LRRN1: variants seen among roughly 807,000 people sequenced by gnomAD.
The protein encoded by LRRN1 is leucine-rich repeat neuronal protein 1.
LRRN1 carries 14 observed loss-of-function variants against 45.8 expected under a neutral mutation model. That is an observed-to-expected ratio of 0.31 (90% CI 0.20 to 0.48). LRRN1 has a LOEUF of 0.48. LRRN1 is among the 20% of genes least tolerant of loss of function. The pLI is 0.99. For synonymous variants in LRRN1, 359 were observed against 330.1 expected, an observed-to-expected ratio of 1.09 and a Z score of -0.95; for missense variants, 789 against 874.2, an observed-to-expected ratio of 0.90 and a Z score of 1.23.
intron 1 of LRRN1, among the ~76,000 whole-genome samples, chr3:3,803,286 G>A (rs1472503161): frequency 6.6e-6 from 1 of 152,166 alleles, no homozygotes; most frequent in Non-Finnish European, 1.5e-5. Context: ...TCCCAAGCCA[G>A]TGGAATATAA....
In LRRN1 at chr3:3,846,832, G is replaced by C. The variant is rs757220039; in HGVS notation, c.*40G>C. On this transcript the variant is annotated 3_prime_UTR_variant, in exon 2 of 2. Transcript: ENST00000319331. The surrounding 1 kb of genome is among the most constrained non-coding windows in gnomAD (Gnocchi z 5.7). ...TGCTTCTGGTAGTAAGGAGCACAAA[G>C]ACGTTTTTGCTTTATTCTGCAAAAG... is the stretch of plus-strand genomic sequence containing the variant. 1.3e-6 allele frequency: 2 copies of C among 1,501,384 alleles called. No individual in the cohort carries two copies. The highest frequency in any genetic ancestry group is 1.8e-6 in the Non-Finnish European group (2 of 1,112,470). 93.0% of individuals were successfully genotyped at this position (1,501,384 alleles called of 1,614,324 possible). A position where few individuals can be genotyped will look rare whatever the true frequency, so the allele number is the denominator to read the frequency against.
chr3:3,812,768 G>C (rs1048856053), intron 1 of LRRN1, among the ~76,000 whole-genome samples: 8 of 145,052 alleles, frequency 5.5e-5, no homozygotes, highest in African/African-American at 2.1e-4. Flanking sequence ...CTCCATTTCT[G>C]TGTGGCTTTG....
intron 1 of LRRN1, among the ~76,000 whole-genome samples, chr3:3,829,952 G>C (rs1319187400): frequency 6.6e-6 from 1 of 152,166 alleles, no homozygotes; most frequent in East Asian, 1.9e-4. Context: ...TTTATCGAGG[G>C]CTCAGTGTTG....
intron 1 of LRRN1, among the ~76,000 whole-genome samples, chr3:3,839,297 C>G (rs915696525): frequency 3.9e-5 from 6 of 152,096 alleles, no homozygotes; most frequent in Admixed American, 2.6e-4. Context: ...TGTCAAAGAT[C>G]ATAAAGAGCA....
chr3:3,821,192 G>A (rs1324605402), intron 1 of LRRN1, among the ~76,000 whole-genome samples: 2 of 152,186 alleles, frequency 1.3e-5, no homozygotes, highest in Non-Finnish European at 2.9e-5. Flanking sequence ...TGCATGCCTA[G>A]TGTGGTGGCC....
intron 1 of LRRN1, among the ~76,000 whole-genome samples, chr3:3,843,575 C>G (rs1867432): frequency 1.3e-5 from 2 of 151,298 alleles, no homozygotes; most frequent in Non-Finnish European, 2.9e-5. Context: ...CTGTACCCCC[C>G]CCCATACCCC....
At chr3:3,821,967 T>C (rs1232335169) in intron 1 of LRRN1, among the ~76,000 whole-genome samples, 2 of 152,270 alleles carry the variant, frequency 1.3e-5, no homozygotes, top group East Asian at 3.9e-4. Flanking sequence ...ATGCACACTC[T>C]CATATGGCAT....
intron 1 of LRRN1, among the ~76,000 whole-genome samples, chr3:3,804,905 C>G (rs967608428): frequency 1.3e-5 from 2 of 152,148 alleles, no homozygotes; most frequent in African/African-American, 4.8e-5. Flanking sequence ...CCATTGTATT[C>G]CGGAGCCACC....
At chr3:3,809,526 T>G (rs182197641) in intron 1 of LRRN1, among the ~76,000 whole-genome samples, 87 of 152,330 alleles carry the variant, frequency 5.7e-4, no homozygotes, top group African/African-American at 2.0e-3. Context: ...TTCTAAGGAT[T>G]GTTTTGCTTT....
chr3:3,835,021 A>G (rs1008887289), intron 1 of LRRN1, among the ~76,000 whole-genome samples: 1 of 152,062 alleles, frequency 6.6e-6, no homozygotes, highest in Non-Finnish European at 1.5e-5. Context: ...TAGGCTGAAT[A>G]TTTTTACATA....
At chr3:3,840,176 T>C (rs1162889990) in intron 1 of LRRN1, among the ~76,000 whole-genome samples, 10 of 152,202 alleles carry the variant, frequency 6.6e-5, no homozygotes, top group Non-Finnish European at 1.3e-4. Flanking sequence ...TTGAGTGTTT[T>C]TATCATGAAA....
Position 3,844,380 on chromosome 3 carries a change from C to A in LRRN1, c.-262C>A. ...AATTTTCAGGCACATCTCCAGACTT[C>A]AATTTGGCTGAAATAATTCATGCCA... On this transcript the variant is annotated 5_prime_UTR_variant, in exon 2 of 2. Coordinates refer to ENST00000319331, the MANE Select transcript of LRRN1 (RefSeq NM_020873.7). The A allele has an allele frequency of 2.5e-6, 1 of 399,152 alleles. No homozygotes were observed. The highest frequency in any genetic ancestry group is 4.5e-6 in the Non-Finnish European group (1 of 223,368). 24.7% of individuals were successfully genotyped at this position (399,152 alleles called of 1,614,324 possible). A position where few individuals can be genotyped will look rare whatever the true frequency, so the allele number is the denominator to read the frequency against.
intron 1 of LRRN1, among the ~76,000 whole-genome samples, chr3:3,829,728 G>A (rs1180122829): frequency 6.6e-6 from 1 of 152,168 alleles, no homozygotes; most frequent in Non-Finnish European, 1.5e-5. Context: ...TGAGTGTCTT[G>A]GTCAGAGGCA....
chr3:3,829,859 G>T (rs756613417), intron 1 of LRRN1, among the ~76,000 whole-genome samples: 4 of 152,230 alleles, frequency 2.6e-5, no homozygotes, highest in African/African-American at 9.6e-5. Flanking sequence ...GTCTATTCCA[G>T]TGAGGACAAA....
intron 1 of LRRN1, among the ~76,000 whole-genome samples, chr3:3,817,007 C>T (rs916166865): frequency 1.3e-5 from 2 of 152,124 alleles, no homozygotes; most frequent in African/African-American, 2.4e-5. Context: ...AGATTTATTA[C>T]AGGAATTAGC....
At chr3:3,801,636 C>T (rs1052990895) in intron 1 of LRRN1, among the ~76,000 whole-genome samples, 1 of 152,126 alleles carries the variant, frequency 6.6e-6, no homozygotes, top group Non-Finnish European at 1.5e-5. Flanking sequence ...TAACAATAGA[C>T]CTTAAGAAAA....
At chr3:3,834,676 T>A (rs1693468334) in intron 1 of LRRN1, among the ~76,000 whole-genome samples, 2 of 150,398 alleles carry the variant, frequency 1.3e-5, no homozygotes, top group Non-Finnish European at 3.0e-5. Context: ...ATAGGCTATC[T>A]GCCAGCTGAG....
intron 1 of LRRN1, chr3:3,801,232 A>G (rs2106447610): frequency 6.6e-6 from 1 of 152,398 alleles, no homozygotes; most frequent in East Asian, 1.9e-4. Context: ...CTAAGAGTCT[A>G]AATCCCATCC....
chr3:3,836,962 T>C (rs6804154), intron 1 of LRRN1, among the ~76,000 whole-genome samples: 126,702 of 152,122 alleles, frequency 0.83, 53,114 homozygotes, highest in East Asian at 0.95. Context: ...GTGCCCCTTT[T>C]TTCTTGGCCC....
Sources: allele counts gnomAD v4.1 joint callset (sites outside exome capture counted in the v4.1 genomes callset), GRCh38; gene constraint gnomAD v4.1.1; non-coding constraint Gnocchi (gnomAD v3.1); transcripts MANE v1.5; gene names NCBI Gene and HGNC (gene_info 2026-07-23, HGNC 2026-07-21).